TICRR: variants seen among roughly 807,000 people sequenced by gnomAD.
The protein encoded by TICRR is TOPBP1 interacting checkpoint and replication regulator.
A neutral mutation model predicts 178.1 loss-of-function variants in TICRR; 132 were observed. The ratio of observed to expected loss-of-function variants is 0.74; its 90% CI spans 0.64 to 0.86. The LOEUF (loss-of-function observed/expected upper bound fraction) is 0.86. TICRR is among the 40% of genes least tolerant of loss of function. TICRR has a pLI of 0.00. For synonymous variants in TICRR, 991 were observed against 900.7 expected (o/e 1.10, Z -1.79); for missense variants, 2,587 against 2,334.3 (o/e 1.11, Z -2.23).
intron 16 of TICRR, among the ~76,000 whole-genome samples, chr15:89,616,959 G>T (rs1963345288): frequency 6.6e-6 from 1 of 152,120 alleles, no homozygotes; most frequent in Non-Finnish European, 1.5e-5. Flanking sequence ...TTTGGCTTGA[G>T]AGCTCTCCTT....
chr15:89,609,985 TTTC>T (rs1963233536), intron 15 of TICRR, among the ~76,000 whole-genome samples: 1 of 152,214 alleles, frequency 6.6e-6, no homozygotes, highest in South Asian at 2.1e-4. Context: ...TCCCTTGTGA[TTTC>T]TTCTTTGATC....
rs1330987375 is a variant in TICRR, at chr15:89,626,046, A to C, written c.5587A>C (p.Ser1863Arg). ...CCAGGGGAAAACACCTTCCTCTCAG[A>C]GCAAAGACCCCAGAGGTAATGTTTG... ...LFQGKTPSSQ[S>R]KDPRDEDVDV... Residue 1863 changes from serine to arginine, a missense_variant, in exon 21 of 22, where the codon AGC (serine) becomes CGC (arginine). By Grantham distance (110) the Ser-to-Arg change is moderately radical (BLOSUM62 -1). Transcript: ENST00000268138. 1 of 1,613,904 alleles carries C rather than the reference A, an allele frequency of 6.2e-7. No homozygotes were observed. Among genetic ancestry groups the C allele is most frequent in the Admixed American group, 1.7e-5 (1 of 59,966 alleles).
rs80127545 is a variant in TICRR, at chr15:89,623,908, G to A, written c.3598G>A (p.Gly1200Ser). 5,291 of 1,613,994 alleles carry A rather than the reference G, an allele frequency of 3.3e-3. 149 individuals carry two copies. The African/African-American group carries it at 0.062, about 19-fold the overall frequency. Residue 1200 changes from glycine (G) to serine (S), a missense_variant, in exon 20 of 22, where the codon GGT (glycine) becomes AGT (serine). Coordinates refer to ENST00000268138, the MANE Select transcript of TICRR (RefSeq NM_152259.4). ...GACACCAAGAACTCCTAAGAGGCAA[G>A]GTACTCAGCCGCCTGGGTTTTTGCC... is the stretch of plus-strand genomic sequence containing the variant. Reference protein sequence around the residue: ...TKTPRTPKRQGTQPPGFLPNC... With the variant: ...TKTPRTPKRQSTQPPGFLPNC...
chr15:89,624,010 G>T lies in TICRR; in HGVS notation c.3700G>T (p.Ala1234Ser). ...TCCAGCCCCTCCAACTTCATCGACT[G>T]CCCAGCCCAGGAGAGAGTGTCTCAC... is the stretch of plus-strand genomic sequence containing the variant. ...SCPAPPTSST[A>S]QPRRECLTPI... The change falls in exon 20 of 22, where the codon GCC becomes TCC. Residue 1234 changes from alanine to serine, a missense_variant. Physicochemically the swap from Ala to Ser is moderately conservative, Grantham distance 99. Transcript: ENST00000268138. 3.7e-6 allele frequency: 6 copies of T among 1,613,810 alleles called. No homozygotes were observed. The highest frequency in any genetic ancestry group is 4.2e-6 in the Non-Finnish European group (5 of 1,179,960).
At chr15:89,602,469 T>C (rs1055063075) in intron 12 of TICRR, among the ~76,000 whole-genome samples, 8 of 152,160 alleles carry the variant, frequency 5.3e-5, no homozygotes, top group Admixed American at 4.6e-4. Flanking sequence ...GAAGGAAACA[T>C]TGCATGACTG....
Position 89,616,487 on chromosome 15 carries a change from C to T in TICRR, c.2952C>T (p.Ile984=), listed in dbSNP as rs770704080. The T allele has an allele frequency of 6.2e-7, 1 of 1,613,686 alleles. No individual in the cohort carries two copies. The highest frequency in any genetic ancestry group is 8.5e-7 in the Non-Finnish European group (1 of 1,179,822). Residue 984 remains isoleucine, a synonymous_variant, in exon 16 of 22, where the codon ATC becomes ATT. Transcript: ENST00000268138. Reference sequence around the variant, plus strand: ...CCAAAAGGCTGCTGCACAGACAAATCAAGGGCAGGTGAGTGACATCCCCAT... The same window carrying T: ...CCAAAAGGCTGCTGCACAGACAAATTAAGGGCAGGTGAGTGACATCCCCAT... The part of the protein sequence containing the change: ...QISKRLLHRQ[I]KGRSSDPGPD...
Position 89,624,991 on chromosome 15 carries a change from G to C in TICRR, c.4681G>C (p.Val1561Leu), listed in dbSNP as rs1963492670. The change falls in exon 20 of 22, where the codon GTT (valine) becomes CTT (leucine). Residue 1561 changes from valine to leucine, a missense_variant. Transcript: ENST00000268138. ...TDSASPQTYE[V>L]ELEMQASGLP... Reference sequence around the variant, plus strand: ...CTCTGCCAGCCCACAGACCTATGAGGTTGAGCTGGAGATGCAAGCTTCTGG... The same window carrying C: ...CTCTGCCAGCCCACAGACCTATGAGCTTGAGCTGGAGATGCAAGCTTCTGG... 1.2e-6 allele frequency: 2 copies of C among 1,614,100 alleles called. No homozygotes were observed. Among genetic ancestry groups the C allele is most frequent in the Non-Finnish European group, 1.7e-6 (2 of 1,180,026 alleles).
intron 15 of TICRR, among the ~76,000 whole-genome samples, chr15:89,611,007 T>A (rs186114281): frequency 3.9e-5 from 6 of 152,268 alleles, no homozygotes; most frequent in African/African-American, 7.2e-5. Flanking sequence ...ACTGCATCTT[T>A]ATACATTGTG....
chr15:89,602,072 T>C, intron 12 of TICRR, 96 bp downstream of exon 12: 1 of 1,461,444 alleles, frequency 6.8e-7, no homozygotes, highest in South Asian at 1.3e-5. Flanking sequence ...GTCCATATAA[T>C]TTGTTGAACT....
At chr15:89,616,116 C>G (rs575656049) in intron 15 of TICRR, among the ~76,000 whole-genome samples, 4 of 152,174 alleles carry the variant, frequency 2.6e-5, no homozygotes, top group Non-Finnish European at 4.4e-5. Flanking sequence ...AACTCCTGAC[C>G]TCAAGTGATC....
chr15:89,620,699 T>C (rs926579772), intron 18 of TICRR, among the ~76,000 whole-genome samples: 1 of 151,992 alleles, frequency 6.6e-6, no homozygotes, highest in Non-Finnish European at 1.5e-5. Flanking sequence ...ATGAACTGGC[T>C]GGGTTTTTCT....
chr15:89,602,602 G>A (rs1385415019), intron 12 of TICRR, among the ~76,000 whole-genome samples, 194 bp from the exon 13 acceptor site: 2 of 151,860 alleles, frequency 1.3e-5, no homozygotes, highest in Non-Finnish European at 2.9e-5. Context: ...GATGCTTTTC[G>A]TTGTTCATAA....
chr15:89,600,959 T>C (rs1323814626), intron 9 of TICRR, among the ~76,000 whole-genome samples: 1 of 150,246 alleles, frequency 6.7e-6, no homozygotes, highest in African/African-American at 2.5e-5. Context: ...AGCTGGAGGA[T>C]TGTTTGAGCC....
intron 15 of TICRR, 51 bp from the exon 16 acceptor site, chr15:89,616,351 GCTT>G: frequency 6.6e-7 from 1 of 1,515,206 alleles, no homozygotes; most frequent in Non-Finnish European, 9.1e-7. Context: ...CCTTACTGCT[GCTT>G]CTTGATGAGG....
rs775880355 is a variant in TICRR at position 89,625,652 on chromosome 15, A to G, written c.5342A>G (p.Glu1781Gly). 1.9e-5 allele frequency: 30 copies of G among 1,613,580 alleles called. No individual in the cohort carries two copies. Among genetic ancestry groups the G allele is most frequent in the Admixed American group, 6.7e-5 (4 of 60,010 alleles). The change falls in exon 20 of 22, where the codon GAA (glutamate) becomes GGA (glycine). Residue 1781 changes from glutamate to glycine, a missense_variant. Coordinates refer to ENST00000268138, the MANE Select transcript of TICRR (RefSeq NM_152259.4). The stretch of plus-strand genomic sequence containing the variant: ...AGGAAGAGAGTCCTGTTGGCCAAGG[A>G]AGAAGCTGACCGTGGAGCCAAAAGG... Reference protein sequence around the residue: ...SSRKRVLLAKEEADRGAKRIC... With the variant: ...SSRKRVLLAKGEADRGAKRIC...
At chr15:89,579,234 C>T (rs112193269) in intron 1 of TICRR, among the ~76,000 whole-genome samples, 11 of 152,282 alleles carry the variant, frequency 7.2e-5, no homozygotes, top group African/African-American at 2.6e-4. Context: ...GTCTAGTGGA[C>T]ATTTACAGAT....
In TICRR at chr15:89,575,721, G is replaced by T; in HGVS notation, c.135G>T (p.Trp45Cys). Residue 45 changes from tryptophan to cysteine, a missense_variant, in exon 1 of 22, where the codon TGG (tryptophan) becomes TGT (cysteine). Physicochemically the swap from Trp to Cys is radical, Grantham distance 215 (BLOSUM62 -2). Transcript: ENST00000268138. ...GATTCGGCCTGGCCAGGGTCCACTG[G>T]GCCTTCAAGTTCTTTGACTCGCAGG... Reference protein sequence around the residue: ...SCRFGLARVHWAFKFFDSQGA... With the variant: ...SCRFGLARVHCAFKFFDSQGA... 6.2e-7 allele frequency: 1 copy of T among 1,609,750 alleles called. No homozygotes were observed. The highest frequency in any genetic ancestry group is 1.7e-4 in the Middle Eastern group (1 of 5,988).
intron 7 of TICRR, among the ~76,000 whole-genome samples, chr15:89,598,474 T>C (rs1963037604): frequency 1.3e-5 from 2 of 152,078 alleles, no homozygotes; most frequent in East Asian, 3.9e-4. Context: ...GTGATTCTCC[T>C]GTCTCAGCCT....
chr15:89,584,808 A>T (rs1012214582), intron 3 of TICRR, among the ~76,000 whole-genome samples: 1 of 152,208 alleles, frequency 6.6e-6, no homozygotes, highest in African/African-American at 2.4e-5. Context: ...TAGTAATGTG[A>T]TGAGTGATTT....
Sources: gnomAD v4.1 joint callset for allele counts (sites outside exome capture counted in the v4.1 genomes callset) on GRCh38, gnomAD v4.1.1 for gene constraint, MANE v1.5 for transcripts, NCBI Gene and HGNC (gene_info 2026-07-23, HGNC 2026-07-21) for gene names.